The following NEK6 variants were observed in gnomAD, a reference collection of about 807,000 sequenced individuals.
NEK6 encodes serine/threonine-protein kinase Nek6.
NEK6 carries 27 observed loss-of-function variants against 43.5 expected under a neutral mutation model. That is an observed-to-expected ratio of 0.62 (90% CI 0.46 to 0.86). The LOEUF (loss-of-function observed/expected upper bound fraction) is 0.86. Among genes scored for constraint, NEK6 ranks in the 40% least tolerant of loss-of-function variants. The pLI, the probability that NEK6 is intolerant of heterozygous loss-of-function variation, is 0.00. For missense variants in NEK6, 318 were observed against 414.4 expected, an observed-to-expected ratio of 0.77 and a Z score of 2.02; for synonymous variants, 167 against 164.1, an observed-to-expected ratio of 1.02 and a Z score of -0.14.
At chr9:124,332,650 C>A (rs1431498013) in intron 7 of NEK6, among the ~76,000 whole-genome samples, 2 of 152,228 alleles carry the variant, frequency 1.3e-5, no homozygotes, top group Non-Finnish European at 2.9e-5. Flanking sequence ...CCAGCCTCCC[C>A]TTCCTGTGAA....
chr9:124,266,716 A>G (rs1831242422), intron 1 of NEK6, among the ~76,000 whole-genome samples: 1 of 152,190 alleles, frequency 6.6e-6, no homozygotes. Flanking sequence ...AGCTCAATTA[A>G]TATTTGTTGA....
chr9:124,327,112 C>T (rs12552671), intron 6 of NEK6, among the ~76,000 whole-genome samples: 52 of 152,202 alleles, frequency 3.4e-4, no homozygotes, highest in Non-Finnish European at 5.4e-4. Flanking sequence ...TTAACCCTCA[C>T]AGCAGCTCTG....
At position 124,327,914 on chromosome 9, in the gene NEK6, C is replaced by A. The variant is rs564385978; in HGVS notation, c.622+469C>A. The stretch of plus-strand genomic sequence containing the variant: ...ATTGTAGCTGGACCATAAAGGGAGA[C>A]CAGATGCTGTTGGGACAGGGAAGGG... On this transcript the variant is annotated intron_variant, in intron 7 of 9. Transcript: ENST00000320246. Among the ~76,000 whole-genome samples the A allele has an allele frequency of 4.6e-5, 7 of 152,236 alleles. No homozygotes were observed. In the South Asian group the frequency reaches 1.5e-3, roughly 32 times the overall value.
intron 3 of NEK6, among the ~76,000 whole-genome samples, 181 bp from the exon 4 acceptor site, chr9:124,313,742 A>G (rs1204684978): frequency 1.3e-5 from 2 of 151,656 alleles, no homozygotes; most frequent in African/African-American, 4.9e-5. Context: ...TTGTGGTGGG[A>G]CAGTGCTGGG....
chr9:124,312,373 C>A, intron 2 of NEK6, 136 bp from the exon 3 acceptor site: 1 of 1,070,210 alleles, frequency 9.3e-7, no homozygotes, highest in Non-Finnish European at 1.3e-6. Flanking sequence ...GCCTGGGAGG[C>A]TCCCAGAGCA....
chr9:124,257,661 C>G (rs1830860282), upstream of NEK6: 2 of 1,525,720 alleles, frequency 1.3e-6, no homozygotes, highest in Non-Finnish European at 1.8e-6. Context: ...GGTTGGCTGA[C>G]TGCAGACCCT....
chr9:124,272,332 A>G (rs1292671648), intron 1 of NEK6, among the ~76,000 whole-genome samples: 1 of 152,184 alleles, frequency 6.6e-6, no homozygotes, highest in East Asian at 1.9e-4. Context: ...AGATACAGTA[A>G]TGAGCCCCAG....
chr9:124,273,837 T>C (rs1831546251), intron 1 of NEK6, among the ~76,000 whole-genome samples: 1 of 152,160 alleles, frequency 6.6e-6, no homozygotes, highest in Admixed American at 6.5e-5. Flanking sequence ...ATTTGTAAAA[T>C]GAGGCTTCTG....
chr9:124,257,965 C>T lies in NEK6; in HGVS notation c.-150C>T, dbSNP rs1830871630. The T allele has an allele frequency of 1.1e-5, 11 of 978,488 alleles. No homozygotes were observed. Among genetic ancestry groups the T allele is most frequent in the Non-Finnish European group, 1.3e-5 (11 of 827,328 alleles). 60.6% of individuals were successfully genotyped at this position (978,488 alleles called of 1,614,324 possible). On this transcript the variant is annotated 5_prime_UTR_variant, in exon 1 of 10. Transcript: ENST00000320246. ...CCCGCGCAGGCGGTGGCGGCGGCGG[C>T]GGAACCGAGCTGACGGGCGTGCGGC...
At chr9:124,319,668 A>G (rs1220483246) in intron 4 of NEK6, among the ~76,000 whole-genome samples, 3 of 152,184 alleles carry the variant, frequency 2.0e-5, no homozygotes, top group South Asian at 2.1e-4. Context: ...ATTCTTCTGC[A>G]TATAGCTAGC....
In NEK6 at chr9:124,302,828, T is replaced by G. The variant is rs186477157; in HGVS notation, c.90+774T>G. ...TCACTGGGGCACTAGTTCCTGGGTC[T>G]GCCTCACTTTCTAGATGGAGAGCTC... On this transcript the variant is annotated intron_variant, in intron 2 of 9. Coordinates refer to ENST00000320246, the MANE Select transcript of NEK6 (RefSeq NM_014397.6). 1.7e-3 allele frequency among the ~76,000 whole-genome samples: 257 copies of G among 152,356 alleles called. 1 individual carries two copies. The highest frequency in any genetic ancestry group is 3.9e-3 in the Admixed American group (60 of 15,308).
intron 1 of NEK6, among the ~76,000 whole-genome samples, chr9:124,269,084 C>A (rs1344594840): frequency 3.3e-5 from 5 of 152,076 alleles, no homozygotes; most frequent in African/African-American, 1.2e-4. Flanking sequence ...ATTTATTGAG[C>A]GCTTGCCGAG....
intron 1 of NEK6, among the ~76,000 whole-genome samples, chr9:124,277,822 A>G (rs927480356): frequency 3.9e-5 from 6 of 152,098 alleles, no homozygotes; most frequent in Non-Finnish European, 5.9e-5. Flanking sequence ...TTGTATCCCC[A>G]ATTTCCAGGC....
chr9:124,307,651 G>A (rs1212872091), intron 2 of NEK6, among the ~76,000 whole-genome samples: 2 of 152,234 alleles, frequency 1.3e-5, no homozygotes, highest in Non-Finnish European at 2.9e-5. Flanking sequence ...CCGTGCCCTG[G>A]CAGAGGAGCC....
At chr9:124,300,686 C>T (rs528198691) in intron 1 of NEK6, among the ~76,000 whole-genome samples, 1 of 152,290 alleles carries the variant, frequency 6.6e-6, no homozygotes, top group East Asian at 1.9e-4. Context: ...ACAAAACCCG[C>T]TGACCGCGCC....
chr9:124,283,780 C>T (rs946299510), intron 1 of NEK6, among the ~76,000 whole-genome samples: 1 of 152,274 alleles, frequency 6.6e-6, no homozygotes, highest in Non-Finnish European at 1.5e-5. Flanking sequence ...TATTCCTCCA[C>T]TCAGAGCTGC....
intron 1 of NEK6, among the ~76,000 whole-genome samples, chr9:124,290,672 C>T (rs1349579087): frequency 6.6e-6 from 1 of 152,254 alleles, no homozygotes; most frequent in East Asian, 1.9e-4. Flanking sequence ...CCAGATTCCT[C>T]TCACAGACTG....
chr9:124,350,762 GCAGA>G (rs1484203577), intron 9 of NEK6, 71 bp from the exon 10 acceptor site: 11 of 1,027,098 alleles, frequency 1.1e-5, no homozygotes, highest in African/African-American at 6.3e-5. Context: ...GTGCCTTCAT[GCAGA>G]CAGACTGTGG....
chr9:124,340,550 A>G (rs1255119020), intron 8 of NEK6, among the ~76,000 whole-genome samples: 1 of 152,204 alleles, frequency 6.6e-6, no homozygotes, highest in Admixed American at 6.5e-5. Context: ...GTCCTGATAA[A>G]TGACAGACAG....
Sources: allele counts gnomAD v4.1 joint callset (sites outside exome capture counted in the v4.1 genomes callset), GRCh38; gene constraint gnomAD v4.1.1; transcripts MANE v1.5; gene names NCBI Gene and HGNC (gene_info 2026-07-23, HGNC 2026-07-21).